Variants in RASSF8 observed in about 807,000 individuals in gnomAD.
RASSF8 encodes ras association domain-containing protein 8.
A neutral mutation model predicts 48.5 loss-of-function variants in RASSF8; 22 were observed. The ratio of observed to expected loss-of-function variants is 0.45; its 90% confidence interval spans 0.32 to 0.65. The LOEUF is 0.65. Ranked by LOEUF, RASSF8 falls within the 30% of genes least tolerant of loss-of-function variation. RASSF8 has a pLI of 0.03. For missense variants in RASSF8, 418 were observed against 489.2 expected (o/e 0.85, Z 1.37); for synonymous variants, 127 against 171.5 (o/e 0.74, Z 2.03).
Position 26,049,634 on chromosome 12 carries a change from T to A in RASSF8, c.-108-5602T>A, listed in dbSNP as rs1050702196. Reference sequence around the variant, plus strand: ...AACATTGTATATGGTCGAAAAAATATAATTGTCAGTAAGCTATCTGGAGCT... The same window carrying A: ...AACATTGTATATGGTCGAAAAAATAAAATTGTCAGTAAGCTATCTGGAGCT... On this transcript the variant is annotated intron_variant, in intron 2 of 5. Transcript: ENST00000689635. Among the ~76,000 whole-genome samples, 22 of 152,204 alleles carry A rather than the reference T, an allele frequency of 1.4e-4. 1 individual carries two copies. The highest frequency in any genetic ancestry group is 1.2e-3 in the Admixed American group (19 of 15,280).
intron 2 of RASSF8, among the ~76,000 whole-genome samples, chr12:26,025,333 A>C (rs2669553): frequency 6.6e-6 from 1 of 151,708 alleles, no homozygotes; most frequent in Non-Finnish European, 1.5e-5. Flanking sequence ...CGAGGCGGGC[A>C]GATCACGAGG....
rs148583044 is a variant in RASSF8 at position 25,961,694 on chromosome 12, A to G, written c.-203+2546A>G. On this transcript the variant is annotated intron_variant, in intron 1 of 5. Transcript: ENST00000689635. ...TGCTATGGTGAGTAGAACATCTAAT[A>G]TATATTAGATGTGCCTGGCACATTT... Among the ~76,000 whole-genome samples, 396 of 152,264 alleles carry G rather than the reference A, an allele frequency of 2.6e-3. 4 individuals are homozygous for G. The highest frequency in any genetic ancestry group is 9.0e-3 in the African/African-American group (372 of 41,546).
chr12:25,997,530 T>A (rs1235041108), intron 2 of RASSF8, among the ~76,000 whole-genome samples: 1 of 152,152 alleles, frequency 6.6e-6, no homozygotes. Context: ...TGGAATTATT[T>A]TTATATGCTT....
At chr12:25,966,036 T>C (rs1941352406) in intron 1 of RASSF8, among the ~76,000 whole-genome samples, 1 of 152,244 alleles carries the variant, frequency 6.6e-6, no homozygotes, top group Admixed American at 6.5e-5. Context: ...TTCATTTATC[T>C]TGGGTAAGTA....
rs1941146145 is a variant in RASSF8 at position 25,958,773 on chromosome 12, C to G, written c.-578C>G. Among the ~76,000 whole-genome samples the G allele has an allele frequency of 6.8e-6, 1 of 147,020 alleles. No individual in the cohort carries two copies. The highest frequency in any genetic ancestry group is 2.1e-4 in the South Asian group (1 of 4,832). ...CTCGTCCGGCGCCCCGCGCCGCGCC[C>G]CGCTCAGCGTCTGCCGCCCAGCTCC... On this transcript the variant is annotated 5_prime_UTR_variant, in exon 1 of 6. Transcript: ENST00000689635.
chr12:25,991,796 G>A (rs1214336882), intron 1 of RASSF8, among the ~76,000 whole-genome samples: 1 of 152,160 alleles, frequency 6.6e-6, no homozygotes, highest in Non-Finnish European at 1.5e-5. Context: ...TTCATTGTAG[G>A]AGAAGAATAC....
At chr12:26,038,490 C>T (rs577963068) in intron 2 of RASSF8, among the ~76,000 whole-genome samples, 11 of 152,168 alleles carry the variant, frequency 7.2e-5, no homozygotes, top group African/African-American at 1.2e-4. Flanking sequence ...CATACATATT[C>T]GTCACTGTTA....
At chr12:26,010,096 C>T (rs12812200) in intron 2 of RASSF8, among the ~76,000 whole-genome samples, 2 of 152,162 alleles carry the variant, frequency 1.3e-5, no homozygotes, top group African/African-American at 2.4e-5. Context: ...AGGCCCCCCA[C>T]GTGCCATGGC....
In RASSF8 at chr12:26,068,774, A is replaced by T; in HGVS notation, c.1216A>T (p.Asn406Tyr). Residue 406 changes from asparagine (N) to tyrosine (Y), a missense_variant, in exon 6 of 6, where the codon AAT becomes TAT. Physicochemically the swap from Asn to Tyr is moderately radical, Grantham distance 143 (BLOSUM62 -2). Coordinates refer to ENST00000689635, the MANE Select transcript of RASSF8 (RefSeq NM_001394098.1). ...CCCCAGTAATCTCCGCATTCTGCAGAATCCTATCTCATCTGGTTTTAATCC... is the reference window on the plus strand; with the variant it reads ...CCCCAGTAATCTCCGCATTCTGCAGTATCCTATCTCATCTGGTTTTAATCC... Reference protein sequence around the residue: ...QLPSNLRILQNPISSGFNPEG... With the variant: ...QLPSNLRILQYPISSGFNPEG... 6.5e-7 allele frequency: 1 copy of T among 1,537,232 alleles called. No individual in the cohort carries two copies. Among genetic ancestry groups the T allele is most frequent in the African/African-American group, 1.4e-5 (1 of 73,162 alleles).
At chr12:25,959,362 G>A (rs1168039587) in intron 1 of RASSF8, 1 of 152,316 alleles carries the variant, frequency 6.6e-6, no homozygotes, top group Middle Eastern at 3.1e-3. Flanking sequence ...CTCTCCTCGC[G>A]GCACACAAGC....
chr12:26,030,215 A>G (rs1942999401), intron 2 of RASSF8, among the ~76,000 whole-genome samples: 1 of 151,882 alleles, frequency 6.6e-6, no homozygotes, highest in African/African-American at 2.4e-5. Flanking sequence ...AATTCTTAGT[A>G]GGTTTTTTTC....
At chr12:25,965,190 C>T (rs575659348) in intron 1 of RASSF8, among the ~76,000 whole-genome samples, 86 of 152,206 alleles carry the variant, frequency 5.7e-4, no homozygotes, top group African/African-American at 2.1e-3. Flanking sequence ...ATCCGCCTGC[C>T]TCGGCCTCCC....
intron 3 of RASSF8, among the ~76,000 whole-genome samples, chr12:26,062,143 C>T (rs903381484): frequency 5.3e-5 from 8 of 152,074 alleles, no homozygotes; most frequent in African/African-American, 1.9e-4. Context: ...CTCCTGTTAC[C>T]GAAGGAGGAC....
intron 1 of RASSF8, among the ~76,000 whole-genome samples, chr12:25,961,315 A>G (rs561439757): frequency 5.3e-5 from 8 of 152,326 alleles, no homozygotes; most frequent in Admixed American, 3.9e-4. Flanking sequence ...ATATCTTGCT[A>G]GTGTTCAAAA....
intron 1 of RASSF8, among the ~76,000 whole-genome samples, chr12:25,976,963 C>A (rs1941621925): frequency 6.6e-6 from 1 of 152,228 alleles, no homozygotes; most frequent in Non-Finnish European, 1.5e-5. Context: ...ACAGTTTATC[C>A]CCTCATTGTT....
At chr12:26,025,136 C>A (rs1942877848) in intron 2 of RASSF8, among the ~76,000 whole-genome samples, 1 of 152,176 alleles carries the variant, frequency 6.6e-6, no homozygotes, top group African/African-American at 2.4e-5. Context: ...TAAACACACG[C>A]ACACACGCAG....
chr12:25,984,734 C>A (rs148995477), intron 1 of RASSF8, among the ~76,000 whole-genome samples: 1 of 152,282 alleles, frequency 6.6e-6, no homozygotes, highest in Non-Finnish European at 1.5e-5. Flanking sequence ...TAAGAAGGGT[C>A]ACAAAAGGAG....
At chr12:26,034,864 C>G (rs1592290596) in intron 2 of RASSF8, among the ~76,000 whole-genome samples, 2 of 152,016 alleles carry the variant, frequency 1.3e-5, no homozygotes, top group South Asian at 4.2e-4. Flanking sequence ...CTAAAAAACA[C>G]CATACAGCAG....
intron 2 of RASSF8, among the ~76,000 whole-genome samples, chr12:26,032,180 C>G (rs1943044259): frequency 6.6e-6 from 1 of 152,110 alleles, no homozygotes; most frequent in Admixed American, 6.5e-5. Flanking sequence ...TTTATCCTTT[C>G]TTGTGATGAG....
Sources: gnomAD v4.1 joint callset for allele counts (sites outside exome capture counted in the v4.1 genomes callset) on GRCh38, gnomAD v4.1.1 for gene constraint, MANE v1.5 for transcripts, NCBI Gene and HGNC (gene_info 2026-07-23, HGNC 2026-07-21) for gene names.